The following SPON1 variants were observed in gnomAD, a reference collection of about 807,000 sequenced individuals.
SPON1 encodes the protein spondin 1, also known as spondin-1.
In SPON1, 52 loss-of-function variants were observed where a neutral mutation model predicts 111.7. The observed-to-expected ratio is 0.47, with a 90% CI of 0.37 to 0.59. SPON1 has a LOEUF of 0.59. Ranked by LOEUF, SPON1 falls within the 20% of genes least tolerant of loss-of-function variation. The pLI is 0.00. For missense variants in SPON1, 957 were observed against 1,068.5 expected (o/e 0.90, Z 1.46); for synonymous variants, 410 against 395.8 (o/e 1.04, Z -0.43).
In SPON1 at chr11:14,250,732, T is replaced by A. The variant is rs116996384; in HGVS notation, c.891-3796T>A. 3.8e-3 allele frequency among the ~76,000 whole-genome samples: 586 copies of A among 152,322 alleles called. 10 individuals carry two copies. The East Asian group carries it at 0.041, about 11-fold the overall frequency. ...GGCATATACAAAAGCATAAAAATTTTTATGACAGTTTGAACAAATTAAAGC... is the reference window on the plus strand; with the variant it reads ...GGCATATACAAAAGCATAAAAATTTATATGACAGTTTGAACAAATTAAAGC... On this transcript the variant is annotated intron_variant, in intron 7 of 15. Coordinates refer to ENST00000576479, the MANE Select transcript of SPON1 (RefSeq NM_006108.4).
At chr11:14,208,822 G>C (rs1260366882) in intron 6 of SPON1, among the ~76,000 whole-genome samples, 1 of 152,026 alleles carries the variant, frequency 6.6e-6, no homozygotes, top group African/African-American at 2.4e-5. Context: ...CTCCTCTACT[G>C]TTCTATATGC....
chr11:14,201,356 AAAAAAAC>A (rs797027636), intron 6 of SPON1, among the ~76,000 whole-genome samples: 521 of 38,018 alleles, frequency 0.014, 3 homozygotes, highest in African/African-American at 0.1. Flanking sequence ...ACAAAAAAAC[AAAAAAAC>A]AAAAAAAACT....
intron 2 of SPON1, among the ~76,000 whole-genome samples, chr11:13,990,024 T>G (rs1554910904): frequency 6.6e-6 from 1 of 152,324 alleles, no homozygotes; most frequent in South Asian, 2.1e-4. Context: ...TATATTCTGT[T>G]GATTTGGGGT....
chr11:13,978,950 A>G (rs1006993017), intron 1 of SPON1, among the ~76,000 whole-genome samples: 3 of 152,222 alleles, frequency 2.0e-5, no homozygotes, highest in Admixed American at 1.3e-4. Flanking sequence ...TCCTAAAGGC[A>G]GTGGCTGTGG....
intron 6 of SPON1, among the ~76,000 whole-genome samples, chr11:14,136,301 T>C (rs1345519669): frequency 3.3e-5 from 5 of 152,212 alleles, no homozygotes; most frequent in Non-Finnish European, 1.5e-5. Flanking sequence ...CACAAAAGCC[T>C]GTCCAGCCTG....
chr11:14,081,782 A>G (rs887741131), intron 5 of SPON1, among the ~76,000 whole-genome samples: 15 of 152,120 alleles, frequency 9.9e-5, no homozygotes, highest in African/African-American at 3.6e-4. Flanking sequence ...TGGACTTAAG[A>G]AGACTCAGAC....
chr11:14,013,989 A>G (rs561961528), intron 2 of SPON1, among the ~76,000 whole-genome samples: 2 of 152,154 alleles, frequency 1.3e-5, no homozygotes, highest in Non-Finnish European at 2.9e-5. Context: ...GGGAGTATTA[A>G]ACATAGTAAT....
chr11:14,034,256 T>C (rs1389307800), intron 2 of SPON1, among the ~76,000 whole-genome samples: 1 of 152,196 alleles, frequency 6.6e-6, no homozygotes, highest in African/African-American at 2.4e-5. Context: ...ATAATACTAT[T>C]ACTAGACACA....
intron 5 of SPON1, among the ~76,000 whole-genome samples, chr11:14,080,260 G>A (rs11023079): frequency 0.079 from 11,857 of 150,128 alleles, 560 homozygotes; most frequent in South Asian, 0.19. Context: ...ATGGAGTCTC[G>A]CTCTGTTGCC....
intron 6 of SPON1, among the ~76,000 whole-genome samples, chr11:14,160,433 ATATATATATT>A (rs1326566523): frequency 0.029 from 706 of 24,240 alleles, 55 homozygotes; most frequent in Middle Eastern, 0.1. Flanking sequence ...ATATATATTT[ATATATATATT>A]TATATATATA....
chr11:14,199,936 C>A (rs780178131), intron 6 of SPON1, among the ~76,000 whole-genome samples: 1 of 152,150 alleles, frequency 6.6e-6, no homozygotes, highest in Non-Finnish European at 1.5e-5. Context: ...GCATATGTGC[C>A]CTGTTCATCA....
intron 6 of SPON1, among the ~76,000 whole-genome samples, chr11:14,226,769 C>T (rs1420064619): frequency 1.3e-5 from 2 of 152,150 alleles, no homozygotes; most frequent in Admixed American, 1.3e-4. Context: ...CAAATTGGTT[C>T]TCTTACAGTT....
chr11:14,264,363 A>AGAT (rs1849236812), intron 15 of SPON1, among the ~76,000 whole-genome samples: 1 of 152,234 alleles, frequency 6.6e-6, no homozygotes, highest in South Asian at 2.1e-4. Context: ...CCCAAGAGAA[A>AGAT]GATTATACAT....
At chr11:14,070,198 T>C (rs1554920767) in intron 3 of SPON1, among the ~76,000 whole-genome samples, 1 of 152,208 alleles carries the variant, frequency 6.6e-6, no homozygotes, top group Non-Finnish European at 1.5e-5. Flanking sequence ...GAATAAATAT[T>C]GCTGGTTATA....
intron 2 of SPON1, among the ~76,000 whole-genome samples, chr11:14,003,831 G>A (rs79141983): frequency 0.011 from 1,665 of 152,090 alleles, 30 homozygotes; most frequent in African/African-American, 0.039. Context: ...ACCAAAATCC[G>A]TAATACAATT....
intron 3 of SPON1, among the ~76,000 whole-genome samples, chr11:14,064,259 A>G (rs1354623456): frequency 6.6e-6 from 1 of 152,266 alleles, no homozygotes; most frequent in Non-Finnish European, 1.5e-5. Flanking sequence ...AAGATATTAA[A>G]TAAAGTTCAA....
chr11:13,993,443 A>G (rs1554911438), intron 2 of SPON1, among the ~76,000 whole-genome samples: 1 of 152,082 alleles, frequency 6.6e-6, no homozygotes, highest in African/African-American at 2.4e-5. Flanking sequence ...ACCAATCCTT[A>G]AAAATTATAT....
rs1007206047 is a variant in SPON1, at chr11:14,062,863, T to C, written c.480-12482T>C. 2.0e-5 allele frequency among the ~76,000 whole-genome samples: 3 copies of C among 152,248 alleles called. No homozygotes were observed. The East Asian group carries it at 5.8e-4, about 29-fold the overall frequency. On this transcript the variant is annotated intron_variant, in intron 3 of 15. Coordinates refer to ENST00000576479, the MANE Select transcript of SPON1 (RefSeq NM_006108.4). The stretch of plus-strand genomic sequence containing the variant: ...AAAGCAGTGACCAGGACAAAGACCC[T>C]GGAAAAAGTTTGGGCCCACCACACT...
chr11:14,146,775 A>C (rs1847724026), intron 6 of SPON1, among the ~76,000 whole-genome samples: 1 of 152,182 alleles, frequency 6.6e-6, no homozygotes. Flanking sequence ...AGAATCTAAT[A>C]GAAAGTCCAG....
Sources: gnomAD v4.1 joint callset for allele counts (sites outside exome capture counted in the v4.1 genomes callset) on GRCh38, gnomAD v4.1.1 for gene constraint, MANE v1.5 for transcripts, NCBI Gene and HGNC (gene_info 2026-07-23, HGNC 2026-07-21) for gene names.